Variants in ASH1L observed in about 807,000 individuals in gnomAD.
ASH1L encodes histone-lysine N-methyltransferase ASH1L.
ASH1L carries 23 observed loss-of-function variants against 269.0 expected under a neutral mutation model. The ratio of observed to expected loss-of-function variants is 0.09; its 90% CI spans 0.06 to 0.12. The LOEUF is 0.12. ASH1L is among the 10% of genes least tolerant of loss of function. The pLI is 1.00. For missense variants in ASH1L, 2,912 were observed against 3,567.8 expected, an observed-to-expected ratio of 0.82 and a Z score of 4.68; for synonymous variants, 1,187 against 1,253.5, an observed-to-expected ratio of 0.95 and a Z score of 1.12.
intron 25 of ASH1L, among the ~76,000 whole-genome samples, chr1:155,341,398 G>C (rs889246218): frequency 2.0e-5 from 3 of 152,048 alleles, no homozygotes; most frequent in Non-Finnish European, 4.4e-5. Context: ...GGATGGTCTT[G>C]ATCTCCTGAC....
Position 155,461,909 on chromosome 1 carries a change from T to C in ASH1L, c.4985-2011A>G, listed in dbSNP as rs559271211. On this transcript the variant is annotated intron_variant, in intron 3 of 27. Coordinates refer to ENST00000392403, the MANE Select transcript of ASH1L (RefSeq NM_018489.3). The stretch of plus-strand genomic sequence containing the variant: ...TGCCTCCCGGGTTCAAGTGTTTCTC[T>C]TGCCTCAGCCTCCTGAGTAGCTGGG... Among the ~76,000 whole-genome samples, 77 of 151,534 alleles carry C rather than the reference T, an allele frequency of 5.1e-4. 1 individual carries two copies. The highest frequency in any genetic ancestry group is 1.8e-3 in the African/African-American group (76 of 41,350).
intron 15 of ASH1L, among the ~76,000 whole-genome samples, chr1:155,355,613 T>C (rs1248993055): frequency 6.6e-6 from 1 of 152,218 alleles, no homozygotes; most frequent in Admixed American, 6.5e-5. Context: ...TTAAGTGGTC[T>C]AGGGTGTGGC....
chr1:155,421,253 AGTTGGTG>A (rs1660650847), intron 5 of ASH1L, among the ~76,000 whole-genome samples: 1 of 140,342 alleles, frequency 7.1e-6, no homozygotes, highest in Admixed American at 7.2e-5. Flanking sequence ...AAAAAAAAAA[AGTTGGTG>A]ATTGCAACTT....
At chr1:155,515,008 T>C (rs1415476239) in intron 2 of ASH1L, among the ~76,000 whole-genome samples, 4 of 152,120 alleles carry the variant, frequency 2.6e-5, no homozygotes, top group African/African-American at 9.7e-5. Flanking sequence ...AAAGCACTTT[T>C]CAAAGCCAAA....
chr1:155,462,651 C>G (rs72993459), intron 3 of ASH1L, among the ~76,000 whole-genome samples: 283 of 152,270 alleles, frequency 1.9e-3, no homozygotes, highest in African/African-American at 6.6e-3. Context: ...GCTTCTAAGC[C>G]ATTTTTCATT....
At position 155,378,346 on chromosome 1, in the gene ASH1L, G is replaced by C; in HGVS notation, c.6267C>G (p.Thr2089=). 1 of 1,614,120 alleles carries C rather than the reference G, an allele frequency of 6.2e-7. No homozygotes were observed. Among genetic ancestry groups the C allele is most frequent in the Non-Finnish European group, 8.5e-7 (1 of 1,180,018 alleles). ...CATCTGGCTTCTTACAGTTACAGGTGGTAGCTTCGTAACCAGAAAGGGGTT... is the reference window on the plus strand; with the variant it reads ...CATCTGGCTTCTTACAGTTACAGGTCGTAGCTTCGTAACCAGAAAGGGGTT... The part of the protein sequence containing the change: ...DVKPLSGYEA[T]TCNCKKPDDD... The change falls in exon 10 of 28, where the codon ACC becomes ACG. Residue 2089 remains threonine, a synonymous_variant. Coordinates refer to ENST00000392403, the MANE Select transcript of ASH1L (RefSeq NM_018489.3).
Position 155,562,235 on chromosome 1 carries a change from C to T in ASH1L, c.-182G>A. 2.5e-6 allele frequency: 4 copies of T among 1,610,030 alleles called. No homozygotes were observed. Among genetic ancestry groups the T allele is most frequent in the Non-Finnish European group, 3.4e-6 (4 of 1,176,708 alleles). ...AGGGGGTGGCCGCCAGGCTCCTCCGCTTCCCTGGGTCCACGGCGGATCCCT... is the reference window on the plus strand; with the variant it reads ...AGGGGGTGGCCGCCAGGCTCCTCCGTTTCCCTGGGTCCACGGCGGATCCCT... On this transcript the variant is annotated 5_prime_UTR_variant, in exon 1 of 28. Transcript: ENST00000392403.
At chr1:155,366,371 G>A (rs1307534275) in intron 12 of ASH1L, among the ~76,000 whole-genome samples, 2 of 152,094 alleles carry the variant, frequency 1.3e-5, no homozygotes, top group Non-Finnish European at 2.9e-5. Flanking sequence ...AATCCAACCC[G>A]TGTTTAGCAT....
chr1:155,561,784 C>A (rs1424205417), intron 1 of ASH1L, among the ~76,000 whole-genome samples: 3 of 151,358 alleles, frequency 2.0e-5, no homozygotes, highest in African/African-American at 7.3e-5. Context: ...AGGTAAAATC[C>A]CCTCTCAAGA....
At chr1:155,407,097 C>T (rs574891677) in intron 6 of ASH1L, among the ~76,000 whole-genome samples, 6 of 152,064 alleles carry the variant, frequency 3.9e-5, no homozygotes, top group Non-Finnish European at 7.4e-5. Context: ...GTGGTGCACA[C>T]CTGTGGTCCC....
At chr1:155,512,448 C>T (rs1466681844) in intron 2 of ASH1L, among the ~76,000 whole-genome samples, 10 of 93,716 alleles carry the variant, frequency 1.1e-4, no homozygotes, top group South Asian at 4.6e-4. Context: ...GGATCTTAGA[C>T]TTTTTTTTTT....
intron 5 of ASH1L, among the ~76,000 whole-genome samples, chr1:155,417,017 C>T (rs1403058754): frequency 2.0e-5 from 3 of 147,440 alleles, no homozygotes; most frequent in Admixed American, 6.7e-5. Flanking sequence ...CTGCAACCTC[C>T]GCCTCCTGGG....
intron 2 of ASH1L, among the ~76,000 whole-genome samples, chr1:155,500,500 G>C (rs1667433770): frequency 6.6e-6 from 1 of 152,080 alleles, no homozygotes; most frequent in Non-Finnish European, 1.5e-5. Flanking sequence ...ACAAGAACAT[G>C]GAAGTGAAAA....
chr1:155,411,732 T>G (rs1659827249), intron 6 of ASH1L, among the ~76,000 whole-genome samples: 1 of 149,994 alleles, frequency 6.7e-6, no homozygotes, highest in African/African-American at 2.5e-5. Flanking sequence ...GACCTTCTCC[T>G]GTCTTCCTTT....
At chr1:155,339,978 T>C (rs1482348783) in intron 25 of ASH1L, among the ~76,000 whole-genome samples, 1 of 152,178 alleles carries the variant, frequency 6.6e-6, no homozygotes, top group Non-Finnish European at 1.5e-5. Flanking sequence ...CAGTCCAATG[T>C]TGACTGAAAC....
At position 155,344,291 on chromosome 1, in the gene ASH1L, C is replaced by T; in HGVS notation, c.7891-18G>A. 2 of 1,593,370 alleles carry T rather than the reference C, an allele frequency of 1.3e-6. No homozygotes were observed. The highest frequency in any genetic ancestry group is 1.7e-6 in the Non-Finnish European group (2 of 1,161,526). On this transcript the variant is annotated intron_variant, in intron 21 of 27. Coordinates refer to ENST00000392403, the MANE Select transcript of ASH1L (RefSeq NM_018489.3). The stretch of plus-strand genomic sequence containing the variant: ...GGAACCTCCTGATAGGAGCAGAAAG[C>T]CAATGTATAAGGGCTGGAATTACTA...
chr1:155,451,097 T>C (rs1663426298), intron 4 of ASH1L, among the ~76,000 whole-genome samples: 1 of 148,236 alleles, frequency 6.7e-6, no homozygotes, highest in Non-Finnish European at 1.5e-5. Flanking sequence ...CTCGGGAGGC[T>C]AAGGCGGGAG....
intron 1 of ASH1L, among the ~76,000 whole-genome samples, chr1:155,544,847 C>T (rs954301537): frequency 5.3e-5 from 8 of 151,846 alleles, no homozygotes; most frequent in Non-Finnish European, 8.8e-5. Flanking sequence ...AGATATACCA[C>T]CTCATTAGTA....
intron 15 of ASH1L, among the ~76,000 whole-genome samples, chr1:155,356,778 T>C (rs1175247392): frequency 1.3e-5 from 2 of 151,942 alleles, no homozygotes; most frequent in Admixed American, 6.6e-5. Context: ...GGAAATGTTA[T>C]TTCATTTAGA....
Sources: allele counts gnomAD v4.1 joint callset (sites outside exome capture counted in the v4.1 genomes callset), GRCh38; gene constraint gnomAD v4.1.1; transcripts MANE v1.5; gene names NCBI Gene and HGNC (gene_info 2026-07-23, HGNC 2026-07-21).